The following GPR158 variants were observed in gnomAD, a reference collection of about 807,000 sequenced individuals.
The protein encoded by GPR158 is G protein-coupled receptor 158, also known as metabotropic glycine receptor.
A neutral mutation model predicts 78.2 loss-of-function variants in GPR158; 30 were observed. The ratio of observed to expected loss-of-function variants is 0.38; its 90% CI spans 0.29 to 0.52. The LOEUF is 0.52. Ranked by LOEUF, GPR158 falls within the 20% of genes least tolerant of loss-of-function variation. The pLI, the probability that GPR158 is intolerant of heterozygous loss-of-function variation, is 0.83. For missense variants in GPR158, 1,463 were observed against 1,523.5 expected (o/e 0.96, Z 0.66); for synonymous variants, 581 against 591.1 (o/e 0.98, Z 0.25).
chr10:25,423,143 A>T (rs1373142210), intron 4 of GPR158, among the ~76,000 whole-genome samples: 2 of 145,966 alleles, frequency 1.4e-5, no homozygotes, highest in African/African-American at 5.4e-5. Flanking sequence ...ATACATATAC[A>T]TATATATGTA....
intron 8 of GPR158, among the ~76,000 whole-genome samples, chr10:25,591,176 A>G (rs1837335329): frequency 6.6e-6 from 1 of 152,132 alleles, no homozygotes; most frequent in Non-Finnish European, 1.5e-5. Context: ...ATTGCACTTT[A>G]TAGTCTCCTT....
intron 1 of GPR158, among the ~76,000 whole-genome samples, chr10:25,201,975 G>T (rs181420108): frequency 1.4e-3 from 218 of 152,176 alleles, no homozygotes; most frequent in Admixed American, 4.3e-3. Context: ...TCAGAATGAT[G>T]CTGGCCTTAT....
At chr10:25,558,417 T>C (rs537945646) in intron 6 of GPR158, among the ~76,000 whole-genome samples, 3 of 152,340 alleles carry the variant, frequency 2.0e-5, no homozygotes, top group South Asian at 2.1e-4. Context: ...GGTAAGAGAA[T>C]GAGTGTGAAA....
intron 2 of GPR158, among the ~76,000 whole-genome samples, chr10:25,278,057 G>C (rs1854210901): frequency 6.6e-6 from 1 of 152,128 alleles, no homozygotes. Flanking sequence ...CCTAGGGACT[G>C]AGTTTAGCCA....
chr10:25,369,935 C>A (rs369917553), intron 2 of GPR158, among the ~76,000 whole-genome samples: 5 of 150,302 alleles, frequency 3.3e-5, no homozygotes, highest in Admixed American at 2.0e-4. Flanking sequence ...TTTCTTCTAG[C>A]TTTTCTAGTT....
At chr10:25,595,686 A>G (rs1201917175) in intron 9 of GPR158, among the ~76,000 whole-genome samples, 2 of 152,242 alleles carry the variant, frequency 1.3e-5, no homozygotes, top group East Asian at 1.9e-4. Flanking sequence ...GGGCAAATCT[A>G]TAGAAACATA....
At chr10:25,357,001 G>T (rs969056194) in intron 2 of GPR158, among the ~76,000 whole-genome samples, 1 of 152,050 alleles carries the variant, frequency 6.6e-6, no homozygotes, top group Non-Finnish European at 1.5e-5. Context: ...ATAAGGTCCG[G>T]GCTGAAGTGG....
intron 2 of GPR158, among the ~76,000 whole-genome samples, chr10:25,375,390 T>G (rs1834063330): frequency 6.6e-6 from 1 of 151,594 alleles, no homozygotes; most frequent in South Asian, 2.1e-4. Flanking sequence ...AATTTTTAAT[T>G]TTTTTCTTTA....
intron 6 of GPR158, among the ~76,000 whole-genome samples, chr10:25,555,636 G>A (rs1836778660): frequency 6.6e-6 from 1 of 151,954 alleles, no homozygotes; most frequent in Non-Finnish European, 1.5e-5. Context: ...AAATGAAAGG[G>A]GGTGAAAAAA....
intron 2 of GPR158, among the ~76,000 whole-genome samples, chr10:25,289,234 C>T (rs760769967): frequency 6.6e-6 from 1 of 152,142 alleles, no homozygotes; most frequent in African/African-American, 2.4e-5. Flanking sequence ...ATAGCTACTA[C>T]TTTCCAATGA....
intron 5 of GPR158, among the ~76,000 whole-genome samples, chr10:25,540,713 G>A (rs1330840176): frequency 6.6e-6 from 1 of 151,130 alleles, no homozygotes; most frequent in East Asian, 2.0e-4. Context: ...AACACCACAT[G>A]TTCTCACTCA....
intron 2 of GPR158, among the ~76,000 whole-genome samples, chr10:25,315,869 G>C (rs1394749212): frequency 1.3e-5 from 2 of 152,066 alleles, no homozygotes; most frequent in African/African-American, 4.8e-5. Flanking sequence ...TCATCTGTCA[G>C]ATTTTAATTG....
At chr10:25,220,892 A>G (rs1853290884) in intron 1 of GPR158, among the ~76,000 whole-genome samples, 160 bp from the exon 2 acceptor site, 1 of 152,112 alleles carries the variant, frequency 6.6e-6, no homozygotes, top group African/African-American at 2.4e-5. Context: ...ATTTTCCTAT[A>G]CTGTGTGTCT....
chr10:25,486,173 A>G (rs1835732466), intron 5 of GPR158, among the ~76,000 whole-genome samples: 1 of 152,190 alleles, frequency 6.6e-6, no homozygotes, highest in Admixed American at 6.6e-5. Flanking sequence ...CAGGGATCAT[A>G]TAAACATGAT....
chr10:25,238,816 T>A (rs2130703706), intron 2 of GPR158, among the ~76,000 whole-genome samples: 1 of 152,356 alleles, frequency 6.6e-6, no homozygotes, highest in South Asian at 2.1e-4. Context: ...TTTAGGTTTC[T>A]TGTTCAGGAC....
chr10:25,302,522 C>T (rs911328073), intron 2 of GPR158, among the ~76,000 whole-genome samples: 14 of 152,108 alleles, frequency 9.2e-5, no homozygotes, highest in African/African-American at 1.4e-4. Flanking sequence ...TGAGGCTTTT[C>T]TAGGTAGGGT....
Position 25,411,814 on chromosome 10 carries a change from A to G in GPR158, c.1112-436A>G, listed in dbSNP as rs375267202. ...GCCGGGCGTGGTGGTGGGCACCTGT[A>G]GTCCAGCTACTCGGGAGGCTGAGGC... is the stretch of plus-strand genomic sequence containing the variant. On this transcript the variant is annotated intron_variant, in intron 3 of 10. Coordinates refer to ENST00000376351, the MANE Select transcript of GPR158 (RefSeq NM_020752.3). Among the ~76,000 whole-genome samples the G allele has an allele frequency of 7.9e-5, 12 of 151,716 alleles. No homozygotes were observed. In the South Asian group the frequency reaches 2.3e-3, roughly 29 times the overall value.
chr10:25,566,640 G>C (rs955853567), intron 6 of GPR158, among the ~76,000 whole-genome samples: 2 of 152,208 alleles, frequency 1.3e-5, no homozygotes, highest in African/African-American at 4.8e-5. Flanking sequence ...AATATATTTA[G>C]AACCCAGTTG....
chr10:25,472,139 A>G (rs371681306), intron 5 of GPR158, among the ~76,000 whole-genome samples: 1 of 152,076 alleles, frequency 6.6e-6, no homozygotes, highest in Non-Finnish European at 1.5e-5. Context: ...TAATTTTTGT[A>G]TAAGGTGTAA....
Sources: gnomAD v4.1 joint callset for allele counts (sites outside exome capture counted in the v4.1 genomes callset) on GRCh38, gnomAD v4.1.1 for gene constraint, MANE v1.5 for transcripts, NCBI Gene and HGNC (gene_info 2026-07-23, HGNC 2026-07-21) for gene names.